Variants in FADD observed in about 807,000 individuals in gnomAD.
The protein encoded by FADD is Fas associated via death domain.
A neutral mutation model predicts 5.8 loss-of-function variants in FADD; 3 were observed. The ratio of observed to expected loss-of-function variants is 0.52; its 90% CI spans 0.24 to 1.34. The LOEUF is 1.34. Among genes scored for constraint, FADD ranks in the 40% most tolerant of loss-of-function variants. FADD has a pLI of 0.17. For synonymous variants in FADD, 138 were observed against 130.8 expected (o/e 1.06, Z -0.38); for missense variants, 249 against 286.7 (o/e 0.87, Z 0.95).
chr11:70,204,500 C>T (rs1469854210), intron 1 of FADD, among the ~76,000 whole-genome samples: 3 of 152,184 alleles, frequency 2.0e-5, no homozygotes, highest in African/African-American at 7.2e-5. Flanking sequence ...TCAGCCCTAC[C>T]CCCCTTGTTC....
Position 70,206,464 on chromosome 11 carries a change from A to C in FADD, c.618A>C (p.Glu206Asp), listed in dbSNP as rs752194773. 1.2e-6 allele frequency: 2 copies of C among 1,613,602 alleles called. No homozygotes were observed. The highest frequency in any genetic ancestry group is 1.7e-6 in the Non-Finnish European group (2 of 1,179,870). ...MSWNSDASTS[E>D]AS ...GGAACTCAGACGCATCTACCTCCGA[A>C]GCGTCCTGATGGGCCGCTGCTTTGC... The change falls in exon 2 of 2, where the codon GAA (glutamate) becomes GAC (aspartate). Residue 206 changes from glutamate (E) to aspartate (D), a missense_variant. Glu to Asp is a conservative substitution (Grantham distance 45). Coordinates refer to ENST00000301838, the MANE Select transcript of FADD (RefSeq NM_003824.4).
rs41268211 is a variant in FADD, at chr11:70,203,426, C to T, written c.-34C>T. On this transcript the variant is annotated 5_prime_UTR_variant, in exon 1 of 2. Transcript: ENST00000301838. ...CGAGGACAGAGGGCGCACGGAGGGCCGGGCCGCAGCCCCGGCCGCTTGCAG... is the reference window on the plus strand; with the variant it reads ...CGAGGACAGAGGGCGCACGGAGGGCTGGGCCGCAGCCCCGGCCGCTTGCAG... The T allele has an allele frequency of 2.4e-4, 378 of 1,552,488 alleles. No individual in the cohort carries two copies. In the African/African-American group the frequency reaches 4.3e-3, roughly 18 times the overall value.
Position 70,203,663 on chromosome 11 carries a change from C to G in FADD, c.204C>G (p.Ala68=). ...GHTELLRELL[A]SLRRHDLLRR... ...CCGAGCTCCTGCGCGAGCTGCTCGC[C>G]TCCCTGCGGCGCCACGACCTGCTGC... Residue 68 remains alanine (A), a synonymous_variant, in exon 1 of 2, where the codon GCC becomes GCG. Transcript: ENST00000301838. The G allele has an allele frequency of 6.4e-7, 1 of 1,551,620 alleles. No homozygotes were observed. Among genetic ancestry groups the G allele is most frequent in the Non-Finnish European group, 8.7e-7 (1 of 1,153,962 alleles).
In FADD at chr11:70,206,924, T is replaced by G; in HGVS notation, c.*451T>G. ...GAGCCCATGCTCAACCACTGTGGCG[T>G]TCTGCTGCCCCTGCAGTTGGCAGAA... On this transcript the variant is annotated 3_prime_UTR_variant, in exon 2 of 2. Transcript: ENST00000301838. 4.8e-6 allele frequency: 1 copy of G among 208,362 alleles called. No homozygotes were observed. Among genetic ancestry groups the G allele is most frequent in the South Asian group, 7.3e-5 (1 of 13,716 alleles). The allele number at this position is 208,362 out of a possible 1,614,324, so 12.9% of individuals were successfully genotyped here.
At position 70,207,248 on chromosome 11, in the gene FADD, C is replaced by T. The variant is rs2049469866; in HGVS notation, c.*775C>T. 6.6e-6 allele frequency: 1 copy of T among 152,184 alleles called. No homozygotes were observed. The highest frequency in any genetic ancestry group is 1.5e-5 in the Non-Finnish European group (1 of 68,070). 9.4% of individuals were successfully genotyped at this position (152,184 alleles called of 1,614,324 possible). Reference sequence around the variant, plus strand: ...TATGGGTCCTGCAATTCTACAGTTTCTTACTGTTTTGTATCAAAATCACTA... The same window carrying T: ...TATGGGTCCTGCAATTCTACAGTTTTTTACTGTTTTGTATCAAAATCACTA... On this transcript the variant is annotated 3_prime_UTR_variant, in exon 2 of 2. Coordinates refer to ENST00000301838, the MANE Select transcript of FADD (RefSeq NM_003824.4).
At position 70,206,552 on chromosome 11, in the gene FADD, C is replaced by A; in HGVS notation, c.*79C>A. ...GGTTCTCTCCAGGAAGGTAGCCCAG[C>A]ACTGTGAAGACCCAGCAGGAAGCCA... On this transcript the variant is annotated 3_prime_UTR_variant, in exon 2 of 2. Transcript: ENST00000301838. The A allele has an allele frequency of 7.3e-7, 1 of 1,361,230 alleles. No individual in the cohort carries two copies. The highest frequency in any genetic ancestry group is 1.4e-5 in the African/African-American group (1 of 70,060). 84.3% of individuals were successfully genotyped at this position (1,361,230 alleles called of 1,614,324 possible). A position where few individuals can be genotyped will look rare whatever the true frequency, so the allele number is the denominator to read the frequency against.
chr11:70,206,365 G>A lies in FADD; in HGVS notation c.519G>A (p.Val173=), dbSNP rs542716717. 6.2e-7 allele frequency: 1 copy of A among 1,614,138 alleles called. No individual in the cohort carries two copies. Among genetic ancestry groups the A allele is most frequent in the South Asian group, 1.1e-5 (1 of 91,082 alleles). Reference sequence around the variant, plus strand: ...TCAGGTCCTGCCAGATGAACCTGGTGGCTGACCTGGTACAAGAGGTTCAGC... The same window carrying A: ...TCAGGTCCTGCCAGATGAACCTGGTAGCTGACCTGGTACAAGAGGTTCAGC... The part of the protein sequence containing the change: ...GALRSCQMNL[V]ADLVQEVQQA... Residue 173 remains valine, a synonymous_variant, in exon 2 of 2, where the codon GTG becomes GTA. Coordinates refer to ENST00000301838, the MANE Select transcript of FADD (RefSeq NM_003824.4).
At chr11:70,204,834 T>C (rs1032188416) in intron 1 of FADD, among the ~76,000 whole-genome samples, 1 of 152,136 alleles carries the variant, frequency 6.6e-6, no homozygotes, top group Non-Finnish European at 1.5e-5. Context: ...ATAGCTGACA[T>C]TTGAGATGTA....
Position 70,203,749 on chromosome 11 carries a change from G to T in FADD, c.286+4G>T. 7.6e-7 allele frequency: 1 copy of T among 1,311,592 alleles called. No homozygotes were observed. Among genetic ancestry groups the T allele is most frequent in the Non-Finnish European group, 9.8e-7 (1 of 1,022,228 alleles). 81.2% of individuals were successfully genotyped at this position (1,311,592 alleles called of 1,614,324 possible). On this transcript the variant is annotated splice_donor_region_variant and intron_variant, in intron 1 of 1. Coordinates refer to ENST00000301838, the MANE Select transcript of FADD (RefSeq NM_003824.4). ...GGGGCCGCGCCTGGGGAAGAAGGTGGGCGCGGGGCCGGGCCGGGGGAGCCA... is the reference window on the plus strand; with the variant it reads ...GGGGCCGCGCCTGGGGAAGAAGGTGTGCGCGGGGCCGGGCCGGGGGAGCCA...
chr11:70,203,815 G>A, intron 1 of FADD, 70 bp downstream of exon 1: 1 of 746,482 alleles, frequency 1.3e-6, no homozygotes. Context: ...AGGCTCCTCC[G>A]GTTGGCCTCC....
At chr11:70,205,522 C>T (rs916332917) in intron 1 of FADD, among the ~76,000 whole-genome samples, 2 of 152,092 alleles carry the variant, frequency 1.3e-5, no homozygotes, top group African/African-American at 4.8e-5. Context: ...AGGCTCCTTC[C>T]GGGTCTCGTC....
In FADD at chr11:70,203,729, C is replaced by A. The variant is rs778290790; in HGVS notation, c.270C>A (p.Ala90=). ...DDFEAGAAAG[A]APGEEDLCAA... is the part of the protein sequence containing the mutation. ...TCGAGGCGGGGGCGGCGGCCGGGGC[C>A]GCGCCTGGGGAAGAAGGTGGGCGCG... is the stretch of plus-strand genomic sequence containing the variant. Residue 90 remains alanine, a synonymous_variant, in exon 1 of 2, where the codon GCC becomes GCA. Coordinates refer to ENST00000301838, the MANE Select transcript of FADD (RefSeq NM_003824.4). 6 of 1,386,932 alleles carry A rather than the reference C, an allele frequency of 4.3e-6. No homozygotes were observed. In the South Asian group the frequency reaches 8.3e-5, roughly 19 times the overall value. The allele number at this position is 1,386,932 out of a possible 1,614,324, so 85.9% of individuals were successfully genotyped here.
Position 70,206,146 on chromosome 11 carries a change from A to G in FADD, c.300A>G (p.Ala100=). 3.7e-6 allele frequency: 6 copies of G among 1,614,040 alleles called. No individual in the cohort carries two copies. The highest frequency in any genetic ancestry group is 5.1e-6 in the Non-Finnish European group (6 of 1,179,932). Residue 100 remains alanine (A), a synonymous_variant, in exon 2 of 2, where the codon GCA becomes GCG. Transcript: ENST00000301838. ...TTTCCTTCCCAGACCTGTGTGCAGC[A>G]TTTAACGTCATATGTGATAATGTGG... ...AAPGEEDLCA[A]FNVICDNVGK...
Position 70,206,494 on chromosome 11 carries a change from G to GTGGGCCGCTGCTTTGCGCTGT in FADD, c.*24_*25insGCCGCTGCTTTGCGCTGTTGG, listed in dbSNP as rs2049462620. 6.2e-7 allele frequency: 1 copy of GTGGGCCGCTGCTTTGCGCTGT among 1,606,172 alleles called. No individual in the cohort carries two copies. Among genetic ancestry groups the GTGGGCCGCTGCTTTGCGCTGT allele is most frequent in the African/African-American group, 1.3e-5 (1 of 74,680 alleles). On this transcript the variant is annotated 3_prime_UTR_variant, in exon 2 of 2. Transcript: ENST00000301838. ...CCTGATGGGCCGCTGCTTTGCGCTGGTGGACCACAGGCATCTACACAGCCT... is the reference window on the plus strand; with the variant it reads ...CCTGATGGGCCGCTGCTTTGCGCTGGTGGGCCGCTGCTTTGCGCTGTTGGACCACAGGCATCTACACAGCCT...
In FADD at chr11:70,206,366, G is replaced by T; in HGVS notation, c.520G>T (p.Ala174Ser). The T allele has an allele frequency of 2.5e-6, 4 of 1,614,196 alleles. No individual in the cohort carries two copies. Among genetic ancestry groups the T allele is most frequent in the Non-Finnish European group, 3.4e-6 (4 of 1,180,038 alleles). Residue 174 changes from alanine to serine, a missense_variant, in exon 2 of 2, where the codon GCT (alanine) becomes TCT (serine). Coordinates refer to ENST00000301838, the MANE Select transcript of FADD (RefSeq NM_003824.4). The stretch of plus-strand genomic sequence containing the variant: ...CAGGTCCTGCCAGATGAACCTGGTG[G>T]CTGACCTGGTACAAGAGGTTCAGCA... ...ALRSCQMNLV[A>S]DLVQEVQQAR...
chr11:70,203,339 G>GT lies in FADD; in HGVS notation c.-119dup. 6.6e-7 allele frequency: 1 copy of GT among 1,506,452 alleles called. No homozygotes were observed. Among genetic ancestry groups the GT allele is most frequent in the Non-Finnish European group, 8.9e-7 (1 of 1,129,534 alleles). The allele number at this position is 1,506,452 out of a possible 1,614,324, so 93.3% of individuals were successfully genotyped here. ...TAGTGAATCAGGCACCGGAGTGCAG[G>GT]TTCGGGGGTGGAATCCTTGGGCCGC... On this transcript the variant is annotated 5_prime_UTR_variant, in exon 1 of 2. Transcript: ENST00000301838.
In FADD at chr11:70,206,764, A is replaced by G. The variant is rs1016709324; in HGVS notation, c.*291A>G. On this transcript the variant is annotated 3_prime_UTR_variant, in exon 2 of 2. Transcript: ENST00000301838. The stretch of plus-strand genomic sequence containing the variant: ...TAGTTGGAAAGTTGGAACCGTGTCC[A>G]GCACAGAAGGAATCTGTGCAGATGA... 3.3e-5 allele frequency: 15 copies of G among 449,944 alleles called. No individual in the cohort carries two copies. Among genetic ancestry groups the G allele is most frequent in the African/African-American group, 8.0e-5 (4 of 50,268 alleles). 27.9% of individuals were successfully genotyped at this position (449,944 alleles called of 1,614,324 possible).
chr11:70,206,553 A>C lies in FADD; in HGVS notation c.*80A>C. ...GTTCTCTCCAGGAAGGTAGCCCAGC[A>C]CTGTGAAGACCCAGCAGGAAGCCAG... On this transcript the variant is annotated 3_prime_UTR_variant, in exon 2 of 2. Transcript: ENST00000301838. The C allele has an allele frequency of 7.4e-7, 1 of 1,343,146 alleles. No individual in the cohort carries two copies. The highest frequency in any genetic ancestry group is 1.2e-5 in the South Asian group (1 of 82,506). The allele number at this position is 1,343,146 out of a possible 1,614,324, so 83.2% of individuals were successfully genotyped here. A position where few individuals can be genotyped will look rare whatever the true frequency, so the allele number is the denominator to read the frequency against.
intron 1 of FADD, among the ~76,000 whole-genome samples, chr11:70,204,670 C>G (rs1291843426): frequency 6.6e-6 from 1 of 152,048 alleles, no homozygotes; most frequent in Non-Finnish European, 1.5e-5. Flanking sequence ...ACAGGATGGA[C>G]AGAACAGCTC....
Sources: allele counts gnomAD v4.1 joint callset (sites outside exome capture counted in the v4.1 genomes callset), GRCh38; gene constraint gnomAD v4.1.1; transcripts MANE v1.5; gene names NCBI Gene and HGNC (gene_info 2026-07-23, HGNC 2026-07-21).